The following FBXW8 variants were observed in gnomAD, a reference collection of about 807,000 sequenced individuals.
The protein encoded by FBXW8 is F-box/WD repeat-containing protein 8.
A neutral mutation model predicts 65.3 loss-of-function variants in FBXW8; 57 were observed. That is an observed-to-expected ratio of 0.87 (90% CI 0.71 to 1.09). The LOEUF (loss-of-function observed/expected upper bound fraction) is 1.09, where lower values mean the gene tolerates loss of function less well. Ranked by LOEUF, FBXW8 falls within the 50% of genes least tolerant of loss-of-function variation. FBXW8 has a pLI of 0.00. For synonymous variants in FBXW8, 308 were observed against 330.2 expected (o/e 0.93, Z 0.73); for missense variants, 777 against 814.8 (o/e 0.95, Z 0.57).
chr12:116,953,233 C>A (rs1391857922), intron 4 of FBXW8, among the ~76,000 whole-genome samples: 1 of 152,160 alleles, frequency 6.6e-6, no homozygotes, highest in South Asian at 2.1e-4. Flanking sequence ...TAGAATCATA[C>A]ATTTTTAAAC....
chr12:117,017,826 TATC>T (rs934447405), intron 8 of FBXW8, among the ~76,000 whole-genome samples: 1 of 152,092 alleles, frequency 6.6e-6, no homozygotes, highest in African/African-American at 2.4e-5. Context: ...TGTTCCTCAT[TATC>T]ATATGGGAGT....
At chr12:116,976,739 T>C (rs937262812) in intron 5 of FBXW8, among the ~76,000 whole-genome samples, 1 of 152,086 alleles carries the variant, frequency 6.6e-6, no homozygotes, top group African/African-American at 2.4e-5. Context: ...AGAATACTTT[T>C]TAAAGAATAG....
intron 7 of FBXW8, among the ~76,000 whole-genome samples, chr12:116,998,139 A>G (rs1297179713): frequency 1.3e-5 from 2 of 152,142 alleles, no homozygotes; most frequent in Non-Finnish European, 2.9e-5. Context: ...GTTTTAAAAG[A>G]ATGCATTTAT....
At chr12:116,951,490 T>A (rs914599998) in intron 4 of FBXW8, 2 of 152,216 alleles carry the variant, frequency 1.3e-5, no homozygotes, top group Non-Finnish European at 2.9e-5. Flanking sequence ...ACCCCTTCTT[T>A]CTCTTGTACT....
intron 5 of FBXW8, among the ~76,000 whole-genome samples, chr12:116,966,613 C>T (rs1395501376): frequency 1.3e-5 from 2 of 152,182 alleles, no homozygotes; most frequent in East Asian, 3.8e-4. Context: ...AGGTGATGTG[C>T]AGGGGTGCTG....
chr12:117,013,165 C>G (rs1339319184), intron 8 of FBXW8, among the ~76,000 whole-genome samples: 1 of 152,064 alleles, frequency 6.6e-6, no homozygotes, highest in Admixed American at 6.6e-5. Flanking sequence ...TCGCTTGAAC[C>G]CAGGAGGCGG....
intron 8 of FBXW8, among the ~76,000 whole-genome samples, chr12:117,015,898 T>A (rs1953937838): frequency 3.3e-5 from 5 of 152,208 alleles, no homozygotes. Flanking sequence ...TTCTCTGGAT[T>A]TGCCTGAACA....
At chr12:116,950,854 T>C (rs1253376634) in intron 4 of FBXW8, 1 of 152,222 alleles carries the variant, frequency 6.6e-6, no homozygotes, top group East Asian at 1.9e-4. Flanking sequence ...AGCTCCTTTC[T>C]ACCCACGGAT....
rs1277362426 is a variant in FBXW8, at chr12:116,964,611, T to A, written c.678-86T>A. 12 of 1,513,086 alleles carry A rather than the reference T, an allele frequency of 7.9e-6. No homozygotes were observed. The Middle Eastern group carries it at 6.9e-4, about 87-fold the overall frequency. 93.7% of individuals were successfully genotyped at this position (1,513,086 alleles called of 1,614,324 possible). ...CTACACCACCCGATTCTTACTTGTC[T>A]GTTGTTGTAAGGCTCTGTGCATTTT... On this transcript the variant is annotated intron_variant, in intron 4 of 10. Coordinates refer to ENST00000652555, the MANE Select transcript of FBXW8 (RefSeq NM_153348.3).
chr12:116,943,062 C>G (rs1333193526), intron 2 of FBXW8, among the ~76,000 whole-genome samples: 2 of 152,062 alleles, frequency 1.3e-5, no homozygotes, highest in Non-Finnish European at 2.9e-5. Flanking sequence ...TAATTTCTAT[C>G]TCTTTATCAT....
At chr12:117,011,300 G>A (rs1373665575) in intron 8 of FBXW8, among the ~76,000 whole-genome samples, 1 of 151,982 alleles carries the variant, frequency 6.6e-6, no homozygotes, top group Non-Finnish European at 1.5e-5. Context: ...GTACTCCTCT[G>A]TGCCAGATCC....
Position 116,928,099 on chromosome 12 carries a change from A to G in FBXW8, c.395A>G (p.Asp132Gly). The G allele has an allele frequency of 6.2e-7, 1 of 1,610,190 alleles. No individual in the cohort carries two copies. The highest frequency in any genetic ancestry group is 8.5e-7 in the Non-Finnish European group (1 of 1,178,234). Residue 132 changes from aspartate to glycine, a missense_variant, in exon 2 of 11, where the codon GAC becomes GGC. Physicochemically the swap from Asp to Gly is moderately conservative, Grantham distance 94. Transcript: ENST00000652555. ...ELAINIFQYL[D>G]RKELGRCAQV... is the part of the protein sequence containing the mutation. ...GCAATCAATATATTTCAGTATCTGG[A>G]CAGGAAAGAACTAGGAAGATGTGCA...
intron 2 of FBXW8, among the ~76,000 whole-genome samples, chr12:116,935,288 G>A (rs1213266394): frequency 1.2e-4 from 18 of 152,170 alleles, no homozygotes; most frequent in African/African-American, 4.3e-4. Flanking sequence ...GGTATTTCAA[G>A]TTTCAAGGAA....
intron 5 of FBXW8, among the ~76,000 whole-genome samples, chr12:116,965,925 ATTTTTT>A (rs10630126): frequency 7.3e-6 from 1 of 137,338 alleles, no homozygotes; most frequent in Non-Finnish European, 1.5e-5. Context: ...TGCCCAGCTA[ATTTTTT>A]TTTTTTTTTT....
intron 8 of FBXW8, among the ~76,000 whole-genome samples, chr12:117,012,217 A>G (rs977278206): frequency 1.1e-4 from 15 of 136,188 alleles, no homozygotes; most frequent in Non-Finnish European, 1.7e-4. Context: ...CATAGTGTCA[A>G]AGGGCTCTCT....
rs1294637225 is a variant in FBXW8, at chr12:117,028,343, G to A, written c.*171G>A. 6.4e-6 allele frequency: 5 copies of A among 786,124 alleles called. No individual in the cohort carries two copies. The East Asian group carries it at 1.4e-4, about 21-fold the overall frequency. 48.7% of individuals were successfully genotyped at this position (786,124 alleles called of 1,614,324 possible). ...GACCCCTGCACTTCCCCCAGCGCCTGGGGCAAGCTGGCGTGTGCCAGGGCT... is the reference window on the plus strand; with the variant it reads ...GACCCCTGCACTTCCCCCAGCGCCTAGGGCAAGCTGGCGTGTGCCAGGGCT... On this transcript the variant is annotated 3_prime_UTR_variant, in exon 11 of 11. Coordinates refer to ENST00000652555, the MANE Select transcript of FBXW8 (RefSeq NM_153348.3). This position sits in a 1 kb window ranked among gnomAD's most constrained non-coding sequence, Gnocchi z 4.1.
At position 116,988,734 on chromosome 12, in the gene FBXW8, G is replaced by A. The variant is rs1953161063; in HGVS notation, c.1104G>A (p.Met368Ile). The part of the protein sequence containing the change: ...PVAVAAAGDL[M>I]YLLKAEDSAR... ...CAGTAGCCGCTGCTGGAGATCTGAT[G>A]TACCTGCTCAAAGCCGAAGACTCCG... Residue 368 changes from methionine to isoleucine, a missense_variant, in exon 7 of 11, where the codon ATG becomes ATA. Transcript: ENST00000652555. 6.2e-7 allele frequency: 1 copy of A among 1,614,030 alleles called. No individual in the cohort carries two copies. The highest frequency in any genetic ancestry group is 1.3e-5 in the African/African-American group (1 of 74,896).
intron 2 of FBXW8, among the ~76,000 whole-genome samples, chr12:116,933,300 C>T (rs964362524): frequency 1.3e-4 from 20 of 152,210 alleles, no homozygotes; most frequent in Non-Finnish European, 2.2e-4. Flanking sequence ...TTCTTGATAG[C>T]GAGCTGCTGT....
At chr12:116,927,838 C>T (rs184795693) in intron 1 of FBXW8, among the ~76,000 whole-genome samples, 185 bp from the exon 2 acceptor site, 8 of 152,154 alleles carry the variant, frequency 5.3e-5, no homozygotes, top group Admixed American at 3.3e-4. Context: ...TGGAGGATGG[C>T]TGGCAGATTC....
Sources: gnomAD v4.1 joint callset for allele counts (sites outside exome capture counted in the v4.1 genomes callset) on GRCh38, gnomAD v4.1.1 for gene constraint, Gnocchi (gnomAD v3.1) non-coding constraint, MANE v1.5 for transcripts, NCBI Gene and HGNC (gene_info 2026-07-23, HGNC 2026-07-21) for gene names.